METTL22: variants seen among roughly 807,000 people sequenced by gnomAD.
METTL22 encodes the protein methyltransferase 22, Kin17 lysine.
A neutral mutation model predicts 48.4 loss-of-function variants in METTL22; 51 were observed. The observed-to-expected ratio is 1.05, with a 90% CI of 0.84 to 1.33. The LOEUF is 1.33. METTL22 is among the 40% of genes most tolerant of loss of function. The pLI, the probability that METTL22 is intolerant of heterozygous loss-of-function variation, is 0.00. For missense variants in METTL22, 678 were observed against 526.9 expected, an observed-to-expected ratio of 1.29 and a Z score of -2.81; for synonymous variants, 255 against 214.1, an observed-to-expected ratio of 1.19 and a Z score of -1.67.
At chr16:8,639,554 G>A (rs1243063104) in intron 6 of METTL22, 2 of 236,838 alleles carry the variant, frequency 8.4e-6, no homozygotes, top group Non-Finnish European at 1.7e-5. Flanking sequence ...TCACCTGTGG[G>A]GTGAAGTCTG....
At chr16:8,630,449 A>G in intron 3 of METTL22, among the ~76,000 whole-genome samples, 1 of 152,068 alleles carries the variant, frequency 6.6e-6, no homozygotes, top group Non-Finnish European at 1.5e-5. Context: ...ACTTGTACCT[A>G]GGTCTGTCTG....
chr16:8,636,826 T>C (rs1017524175), intron 5 of METTL22, among the ~76,000 whole-genome samples: 4 of 152,228 alleles, frequency 2.6e-5, no homozygotes, highest in Non-Finnish European at 4.4e-5. Context: ...AGACTATTCT[T>C]AAGCTTTTGA....
chr16:8,663,082 C>T, the METTL22 span, among the ~76,000 whole-genome samples: 1 of 150,966 alleles, frequency 6.6e-6, no homozygotes, highest in African/African-American at 2.4e-5. Flanking sequence ...ATGGCAGGCG[C>T]CTATAATCAG....
chr16:8,635,147 T>C (rs2056383934), intron 4 of METTL22, 21 bp from the exon 5 acceptor site: 1 of 1,613,640 alleles, frequency 6.2e-7, no homozygotes, highest in Admixed American at 1.7e-5. Flanking sequence ...TGCTTGTCGC[T>C]CCTTGTCCTC....
intron 1 of METTL22, among the ~76,000 whole-genome samples, chr16:8,622,567 G>T (rs1238292029): frequency 6.6e-6 from 1 of 152,192 alleles, no homozygotes; most frequent in Non-Finnish European, 1.5e-5. Flanking sequence ...TTTCCGGAAA[G>T]AGACTTTTCC....
In METTL22 at chr16:8,628,718, C is replaced by G; in HGVS notation, c.134-12C>G. The G allele has an allele frequency of 6.3e-7, 1 of 1,594,320 alleles. No homozygotes were observed. The highest frequency in any genetic ancestry group is 8.6e-7 in the Non-Finnish European group (1 of 1,169,236). Reference sequence around the variant, plus strand: ...TTGGAATTCTCATTTTGCGTTCTGTCTTGCCTTTCAGTTTTCCTGTCCCAA... The same window carrying G: ...TTGGAATTCTCATTTTGCGTTCTGTGTTGCCTTTCAGTTTTCCTGTCCCAA... On this transcript the variant is annotated splice_polypyrimidine_tract_variant and intron_variant, in intron 2 of 10. Coordinates refer to ENST00000381920, the MANE Select transcript of METTL22 (RefSeq NM_024109.4).
chr16:8,650,473 G>C (rs1596377684), downstream of METTL22, among the ~76,000 whole-genome samples: 1 of 152,248 alleles, frequency 6.6e-6, no homozygotes, highest in African/African-American at 2.4e-5. Flanking sequence ...AAAACTTCTT[G>C]ATAGGTTGGT....
At chr16:8,652,728 G>A (rs2056917829), downstream of METTL22, among the ~76,000 whole-genome samples, 1 of 152,084 alleles carries the variant, frequency 6.6e-6, no homozygotes, top group South Asian at 2.1e-4. Flanking sequence ...AGGGAGCTGG[G>A]AGTAGGTGGC....
chr16:8,644,774 G>A (rs368969620), intron 10 of METTL22, 49 bp downstream of exon 10: 110 of 1,480,520 alleles, frequency 7.4e-5, no homozygotes, highest in Non-Finnish European at 8.8e-5. Flanking sequence ...ACTGTGAAGC[G>A]GGTGACTCCA....
intron 2 of METTL22, among the ~76,000 whole-genome samples, chr16:8,628,308 C>G (rs973925923): frequency 1.3e-5 from 2 of 152,196 alleles, no homozygotes; most frequent in African/African-American, 2.4e-5. Context: ...GATGATCGGA[C>G]AGATTCAAAA....
intron 1 of METTL22, chr16:8,623,754 C>A (rs753893919): frequency 3.3e-5 from 5 of 152,122 alleles, no homozygotes; most frequent in Non-Finnish European, 7.4e-5. Context: ...TTTGTTGGGA[C>A]AGCTTTTGCT....
the METTL22 span, among the ~76,000 whole-genome samples, chr16:8,666,365 G>T: frequency 6.6e-6 from 1 of 152,026 alleles, no homozygotes; most frequent in East Asian, 1.9e-4. Flanking sequence ...CCTTATTATC[G>T]ACCCACCAAT....
intron 3 of METTL22, among the ~76,000 whole-genome samples, chr16:8,630,692 C>T (rs908579723): frequency 3.9e-5 from 6 of 152,146 alleles, no homozygotes; most frequent in East Asian, 1.9e-4. Flanking sequence ...CAAAGTCCCT[C>T]GGGAAGAGGC....
At chr16:8,629,533 T>C (rs2056183955) in intron 3 of METTL22, among the ~76,000 whole-genome samples, 1 of 151,644 alleles carries the variant, frequency 6.6e-6, no homozygotes, top group Non-Finnish European at 1.5e-5. Context: ...CCATGGGAGG[T>C]TCTGGAGCTG....
At chr16:8,659,220 A>G in the METTL22 span, among the ~76,000 whole-genome samples, 1 of 152,048 alleles carries the variant, frequency 6.6e-6, no homozygotes, top group African/African-American at 2.4e-5. Context: ...AGTCCCAGCT[A>G]CTTGTGAGGC....
At chr16:8,634,206 G>A (rs902481331) in intron 3 of METTL22, among the ~76,000 whole-genome samples, 1 of 152,228 alleles carries the variant, frequency 6.6e-6, no homozygotes, top group African/African-American at 2.4e-5. Flanking sequence ...GGAGCCCTCA[G>A]AGAACAGTGG....
chr16:8,653,040 C>T (rs1035826803), downstream of METTL22, among the ~76,000 whole-genome samples: 3 of 152,212 alleles, frequency 2.0e-5, no homozygotes, highest in African/African-American at 7.2e-5. Flanking sequence ...TTCTGCTGCT[C>T]AACCAATGCA....
the METTL22 span, among the ~76,000 whole-genome samples, chr16:8,659,729 C>T: frequency 6.1e-5 from 9 of 147,838 alleles, no homozygotes; most frequent in African/African-American, 2.2e-4. Flanking sequence ...AAGGACTTCG[C>T]TTTTTTTTTT....
chr16:8,666,446 A>G, the METTL22 span, among the ~76,000 whole-genome samples: 4,069 of 152,306 alleles, frequency 0.027, 173 homozygotes, highest in African/African-American at 0.092. Flanking sequence ...ATCTATTTCT[A>G]GGAGAACCCA....
Sources: allele counts gnomAD v4.1 joint callset (sites outside exome capture counted in the v4.1 genomes callset), GRCh38; gene constraint gnomAD v4.1.1; transcripts MANE v1.5; gene names NCBI Gene and HGNC (gene_info 2026-07-23, HGNC 2026-07-21).